PRRC2B: variants seen among roughly 807,000 people sequenced by gnomAD.
PRRC2B encodes protein PRRC2B.
PRRC2B carries 68 observed loss-of-function variants against 242.3 expected under a neutral mutation model. The observed-to-expected ratio is 0.28, with a 90% CI of 0.23 to 0.34. The LOEUF is 0.34. Among genes scored for constraint, PRRC2B ranks in the 10% least tolerant of loss-of-function variants. The pLI is 1.00. For synonymous variants in PRRC2B, 1,228 were observed against 1,173.6 expected (o/e 1.05, Z -0.95); for missense variants, 2,835 against 2,954.8 (o/e 0.96, Z 0.94).
chr9:131,484,700 G>A lies in PRRC2B; in HGVS notation c.5475G>A (p.Gln1825=). ...CTCCTCTCCAGGCAGGGTTAACACA[G>A]AGTATCCCCATCCTGCGGCGGGACC... ...DALASNAGLT[Q]SIPILRRDHH... Residue 1825 remains glutamine (Q), a synonymous_variant, in exon 24 of 32, where the codon CAG becomes CAA. Transcript: ENST00000683519. 6.2e-7 allele frequency: 1 copy of A among 1,611,582 alleles called. No individual in the cohort carries two copies. The highest frequency in any genetic ancestry group is 8.5e-7 in the Non-Finnish European group (1 of 1,178,750).
In PRRC2B at chr9:131,475,084, G is replaced by C; in HGVS notation, c.2955G>C (p.Lys985Asn). ...AGGAGCAGAGCCCCACGGCAGAAAA[G>C]GATGAGGACGAAGAGAACGATGCCT... ...KEKEQSPTAE[K>N]DEDEENDASL... The change falls in exon 16 of 32, where the codon AAG (lysine) becomes AAC (asparagine). Residue 985 changes from lysine to asparagine, a missense_variant. Physicochemically the swap from Lys to Asn is moderately conservative, Grantham distance 94. Coordinates refer to ENST00000683519, the MANE Select transcript of PRRC2B (RefSeq NM_013318.4). 1 of 1,611,232 alleles carries C rather than the reference G, an allele frequency of 6.2e-7. No homozygotes were observed. The highest frequency in any genetic ancestry group is 8.5e-7 in the Non-Finnish European group (1 of 1,178,680).
chr9:131,478,920 C>T (rs767136725), intron 18 of PRRC2B, among the ~76,000 whole-genome samples: 44 of 152,274 alleles, frequency 2.9e-4, no homozygotes, highest in Admixed American at 6.5e-4. Context: ...AGACCTCCGT[C>T]ACCTCCCAGC....
chr9:131,461,264 T>C (rs192755987), intron 11 of PRRC2B, among the ~76,000 whole-genome samples: 2 of 152,334 alleles, frequency 1.3e-5, no homozygotes. Flanking sequence ...ATGCCCTGAA[T>C]GTCCCTGCTG....
In PRRC2B at chr9:131,439,287, G is replaced by A. The variant is rs1236668543; in HGVS notation, c.469+226G>A. Among the ~76,000 whole-genome samples the A allele has an allele frequency of 2.0e-5, 3 of 152,186 alleles. No homozygotes were observed. The East Asian group carries it at 5.8e-4, about 29-fold the overall frequency. The stretch of plus-strand genomic sequence containing the variant: ...TGTGCTCTTGCTGAGACAGAGGAGT[G>A]CTGACTGGGCTGTGCTGCTGGTGAT... On this transcript the variant is annotated intron_variant, in intron 5 of 31. Transcript: ENST00000683519.
intron 1 of PRRC2B, among the ~76,000 whole-genome samples, chr9:131,396,763 G>A (rs1454926256): frequency 6.6e-6 from 1 of 152,062 alleles, no homozygotes; most frequent in South Asian, 2.1e-4. Flanking sequence ...GAATGGCTTA[G>A]TACAGCTAGG....
intron 14 of PRRC2B, among the ~76,000 whole-genome samples, chr9:131,471,604 T>C (rs1588271566): frequency 6.6e-6 from 1 of 152,312 alleles, no homozygotes; most frequent in East Asian, 1.9e-4. Flanking sequence ...GTTTTGGTGT[T>C]GTAGGACAAA....
intron 13 of PRRC2B, among the ~76,000 whole-genome samples, chr9:131,468,945 G>A (rs572263299): frequency 6.6e-6 from 1 of 152,254 alleles, no homozygotes; most frequent in East Asian, 1.9e-4. Context: ...ATTACTGATG[G>A]GGGAGAGCTC....
At chr9:131,421,449 C>A (rs1034675962) in intron 1 of PRRC2B, among the ~76,000 whole-genome samples, 7 of 152,248 alleles carry the variant, frequency 4.6e-5, no homozygotes, top group Non-Finnish European at 1.0e-4. Flanking sequence ...ACGTCCTTTT[C>A]TGGCCCACAT....
chr9:131,385,393 A>G (rs1836814045), intron 1 of PRRC2B, among the ~76,000 whole-genome samples: 1 of 148,692 alleles, frequency 6.7e-6, no homozygotes, highest in Non-Finnish European at 1.5e-5. Flanking sequence ...GGGAAATCCC[A>G]CCCAGGAGCC....
chr9:131,384,083 ATTTTTTTT>A (rs111724850), intron 1 of PRRC2B, among the ~76,000 whole-genome samples: 45 of 58,992 alleles, frequency 7.6e-4, no homozygotes, highest in Non-Finnish European at 1.1e-3. Flanking sequence ...ATACCCGGCT[ATTTTTTTT>A]TTTTTTTTTT....
intron 11 of PRRC2B, among the ~76,000 whole-genome samples, chr9:131,463,121 A>ACT (rs773145987): frequency 6.6e-6 from 1 of 152,182 alleles, no homozygotes; most frequent in Non-Finnish European, 1.5e-5. Flanking sequence ...AGCCGTTAGA[A>ACT]AGGTATGGAT....
chr9:131,496,266 G>C lies in PRRC2B; in HGVS notation c.*392G>C, dbSNP rs1057222418. 6 of 178,260 alleles carry C rather than the reference G, an allele frequency of 3.4e-5. No individual in the cohort carries two copies. Among genetic ancestry groups the C allele is most frequent in the African/African-American group, 1.4e-4 (6 of 42,476 alleles). The allele number at this position is 178,260 out of a possible 1,614,324, so 11.0% of individuals were successfully genotyped here. A position where few individuals can be genotyped will look rare whatever the true frequency, so the allele number is the denominator to read the frequency against. ...CCCTAGGCACAGTGATTTGGCAGCA[G>C]GGTCATTTTACTTTGAGGCTTTTTG... is the stretch of plus-strand genomic sequence containing the variant. On this transcript the variant is annotated 3_prime_UTR_variant, in exon 32 of 32. Coordinates refer to ENST00000683519, the MANE Select transcript of PRRC2B (RefSeq NM_013318.4).
In PRRC2B at chr9:131,474,783, G is replaced by T. The variant is rs780014390; in HGVS notation, c.2654G>T (p.Gly885Val). 6.2e-7 allele frequency: 1 copy of T among 1,612,640 alleles called. No homozygotes were observed. The highest frequency in any genetic ancestry group is 1.3e-5 in the African/African-American group (1 of 74,914). ...HQPETADTAH[G>V]VERETPREGT... ...CCAGAGACCGCTGACACAGCCCATG[G>T]TGTTGAGCGGGAGACACCCCGGGAG... Residue 885 changes from glycine (G) to valine (V), a missense_variant, in exon 16 of 32, where the codon GGT (glycine) becomes GTT (valine). Around this residue, in one of 7 missense-constraint regions of PRRC2B, gnomAD observed 1,536 missense variants for 1,483.1 expected, o/e 1.04. Transcript: ENST00000683519.
chr9:131,480,047 G>C (rs1943814023), intron 19 of PRRC2B, among the ~76,000 whole-genome samples: 1 of 152,130 alleles, frequency 6.6e-6, no homozygotes, highest in Admixed American at 6.5e-5. Context: ...TGTTAGCCCA[G>C]AGCATGCATA....
chr9:131,400,149 T>A (rs2131282162), intron 1 of PRRC2B, among the ~76,000 whole-genome samples: 1 of 152,212 alleles, frequency 6.6e-6, no homozygotes, highest in African/African-American at 2.4e-5. Context: ...AGTGATGTGA[T>A]CTCAGCTCAC....
At chr9:131,495,700 C>T (rs771309042) in intron 31 of PRRC2B, 40 bp from the exon 32 acceptor site, 20 of 1,585,840 alleles carry the variant, frequency 1.3e-5, no homozygotes, top group Admixed American at 1.7e-5. Context: ...CACGTTTCAG[C>T]GTCAGGGTCA....
At position 131,499,886 on chromosome 9, in the gene PRRC2B, G is replaced by T. The variant is rs1276488987; in HGVS notation, c.*4012G>T. On this transcript the variant is annotated 3_prime_UTR_variant, in exon 32 of 32. Coordinates refer to ENST00000683519, the MANE Select transcript of PRRC2B (RefSeq NM_013318.4). ...GTTTTGTTTGGTTCCTGAGAGGGTT[G>T]TGTTTTGTTTTTGTTTCCTTTTGTT... 6.6e-6 allele frequency: 1 copy of T among 152,282 alleles called. No individual in the cohort carries two copies. The highest frequency in any genetic ancestry group is 1.5e-5 in the Non-Finnish European group (1 of 68,076). 9.4% of individuals were successfully genotyped at this position (152,282 alleles called of 1,614,324 possible). A position where few individuals can be genotyped will look rare whatever the true frequency, so the allele number is the denominator to read the frequency against.
Position 131,476,432 on chromosome 9 carries a change from C to G in PRRC2B, c.4303C>G (p.Leu1435Val). 6.2e-7 allele frequency: 1 copy of G among 1,612,468 alleles called. No individual in the cohort carries two copies. Among genetic ancestry groups the G allele is most frequent in the Non-Finnish European group, 8.5e-7 (1 of 1,179,326 alleles). The change falls in exon 16 of 32, where the codon CTG becomes GTG. Residue 1435 changes from leucine to valine, a missense_variant. Transcript: ENST00000683519. Reference protein sequence around the residue: ...RPVVDRQSRKLEPGGFGEKPV... With the variant: ...RPVVDRQSRKVEPGGFGEKPV... Reference sequence around the variant, plus strand: ...CGTGGTTGACAGACAGAGCCGAAAGCTGGAGCCGGGAGGGTTTGGGGAGAA... The same window carrying G: ...CGTGGTTGACAGACAGAGCCGAAAGGTGGAGCCGGGAGGGTTTGGGGAGAA...
intron 1 of PRRC2B, among the ~76,000 whole-genome samples, chr9:131,382,987 G>A (rs1212588278): frequency 2.0e-5 from 3 of 152,200 alleles, no homozygotes; most frequent in Non-Finnish European, 4.4e-5. Flanking sequence ...CTCAGGTGGG[G>A]CCACATCTCT....
Sources: allele counts gnomAD v4.1 joint callset (sites outside exome capture counted in the v4.1 genomes callset), GRCh38; gene constraint gnomAD v4.1.1; regional missense constraint gnomAD v4.1.1; transcripts MANE v1.5; gene names NCBI Gene and HGNC (gene_info 2026-07-23, HGNC 2026-07-21).